Variants in TUT4 observed in about 807,000 individuals in gnomAD.
The protein encoded by TUT4 is terminal uridylyltransferase 4.
Under a neutral mutation model 192.2 loss-of-function variants are expected in TUT4, and 36 were observed. The observed-to-expected ratio is 0.19, with a 90% CI of 0.14 to 0.25. The LOEUF (loss-of-function observed/expected upper bound fraction) is 0.25. TUT4 is among the 10% of genes least tolerant of loss of function. TUT4 has a pLI of 1.00. For missense variants in TUT4, 1,493 were observed against 1,957.2 expected, an observed-to-expected ratio of 0.76 and a Z score of 4.47; for synonymous variants, 618 against 666.0, an observed-to-expected ratio of 0.93 and a Z score of 1.11.
At chr1:52,508,729 T>C (rs900739723) in intron 4 of TUT4, among the ~76,000 whole-genome samples, 10 of 152,170 alleles carry the variant, frequency 6.6e-5, no homozygotes, top group African/African-American at 2.4e-4. Flanking sequence ...TTAAAGAAGA[T>C]ACATGAGCTA....
intron 24 of TUT4, among the ~76,000 whole-genome samples, chr1:52,443,062 T>C (rs1340859656): frequency 2.0e-5 from 3 of 151,794 alleles, no homozygotes; most frequent in African/African-American, 4.8e-5. Flanking sequence ...GGCAGGTGGA[T>C]CACCTAAGGT....
intron 3 of TUT4, among the ~76,000 whole-genome samples, chr1:52,510,317 CAAAAAAAAA>C (rs200690805): frequency 5.1e-5 from 4 of 78,608 alleles, no homozygotes; most frequent in East Asian, 6.8e-4. Context: ...TTCGTATTAA[CAAAAAAAAA>C]AAAAAAAAAA....
At chr1:52,492,384 T>G (rs1417936877) in intron 7 of TUT4, among the ~76,000 whole-genome samples, 1 of 152,200 alleles carries the variant, frequency 6.6e-6, no homozygotes, top group Non-Finnish European at 1.5e-5. Flanking sequence ...TTGCAAATAC[T>G]TTTGATTCAT....
chr1:52,549,219 A>G (rs1461850062), intron 1 of TUT4, among the ~76,000 whole-genome samples: 1 of 152,160 alleles, frequency 6.6e-6, no homozygotes, highest in Admixed American at 6.5e-5. Flanking sequence ...CAGCTCAACC[A>G]CTATCTCACT....
At chr1:52,489,163 C>T in intron 8 of TUT4, 128 bp from the exon 9 acceptor site, 2 of 891,760 alleles carry the variant, frequency 2.2e-6, no homozygotes, top group Non-Finnish European at 3.0e-6. Flanking sequence ...CTAATAAAAA[C>T]AAATGTTTTA....
intron 9 of TUT4, among the ~76,000 whole-genome samples, chr1:52,487,570 C>A (rs935626304): frequency 6.6e-6 from 1 of 152,100 alleles, no homozygotes; most frequent in African/African-American, 2.4e-5. Flanking sequence ...GTCACCCTCC[C>A]TCAACCTATT....
At chr1:52,455,158 T>C (rs1263473880) in intron 20 of TUT4, among the ~76,000 whole-genome samples, 1 of 151,930 alleles carries the variant, frequency 6.6e-6, no homozygotes, top group Non-Finnish European at 1.5e-5. Flanking sequence ...GTGGCTCATG[T>C]CTGTAATCCC....
chr1:52,464,153 A>T (rs980625241), intron 16 of TUT4, among the ~76,000 whole-genome samples: 2 of 152,202 alleles, frequency 1.3e-5, no homozygotes, highest in Admixed American at 1.3e-4. Flanking sequence ...GAATGAAATG[A>T]GATAATGTAT....
At chr1:52,524,799 T>C (rs1228483653) in intron 2 of TUT4, among the ~76,000 whole-genome samples, 1 of 152,110 alleles carries the variant, frequency 6.6e-6, no homozygotes, top group Non-Finnish European at 1.5e-5. Flanking sequence ...TAAGACTCTG[T>C]CTCAGAAAAC....
intron 1 of TUT4, among the ~76,000 whole-genome samples, chr1:52,535,610 G>C (rs974801879): frequency 2.0e-5 from 3 of 152,100 alleles, no homozygotes; most frequent in Non-Finnish European, 4.4e-5. Flanking sequence ...GAAGGGTGTA[G>C]AAAAAATATT....
intron 24 of TUT4, among the ~76,000 whole-genome samples, chr1:52,441,994 C>T (rs1655754009): frequency 6.6e-6 from 1 of 151,788 alleles, no homozygotes; most frequent in Non-Finnish European, 1.5e-5. Flanking sequence ...GTGGTGAAAC[C>T]CTGTCTCTAC....
At position 52,463,629 on chromosome 1, in the gene TUT4, A is replaced by G. The variant is rs536103791; in HGVS notation, c.3069+1441T>C. ...CAGTCCCGCATTTTGAAACATAAATAACAATAGCTAGGCTGGTAAAGGACT... is the reference window on the plus strand; with the variant it reads ...CAGTCCCGCATTTTGAAACATAAATGACAATAGCTAGGCTGGTAAAGGACT... On this transcript the variant is annotated intron_variant, in intron 16 of 29. Coordinates refer to ENST00000257177, the MANE Select transcript of TUT4 (RefSeq NM_001009881.3). 1.3e-3 allele frequency: 1,634 copies of G among 1,300,628 alleles called. 19 individuals carry two copies. In the South Asian group the frequency reaches 0.013, roughly 10 times the overall value. 80.6% of individuals were successfully genotyped at this position (1,300,628 alleles called of 1,614,324 possible). A position where few individuals can be genotyped will look rare whatever the true frequency, so the allele number is the denominator to read the frequency against.
rs143767377 is a variant in TUT4, at chr1:52,431,058, C to T, written c.4666G>A (p.Val1556Met). Reference protein sequence around the residue: ...TSHDGHWPRTVAPNSLVNSGA... With the variant: ...TSHDGHWPRTMAPNSLVNSGA... ...CTGTTTACCAGGGAATTTGGAGCCACAGTACGGGGCCAGTGTCCATCGTGA... is the reference window on the plus strand; with the variant it reads ...CTGTTTACCAGGGAATTTGGAGCCATAGTACGGGGCCAGTGTCCATCGTGA... The change falls in exon 28 of 30, where the codon GTG (valine) becomes ATG (methionine). Residue 1556 changes from valine (V) to methionine (M), a missense_variant. Val to Met is a conservative substitution (Grantham distance 21). Around this residue, in one of 7 missense-constraint regions of TUT4, gnomAD observed 351 missense variants for 397.8 expected, o/e 0.88. Transcript: ENST00000257177. 2 of 1,604,512 alleles carry T rather than the reference C, an allele frequency of 1.2e-6. No homozygotes were observed. The highest frequency in any genetic ancestry group is 1.3e-5 in the African/African-American group (1 of 74,770).
intron 27 of TUT4, chr1:52,433,743 AC>A (rs1165377883): frequency 1.3e-5 from 2 of 152,220 alleles, no homozygotes; most frequent in African/African-American, 4.8e-5. Context: ...CAGGCAAGAA[AC>A]TGAAACCTCG....
At chr1:52,462,602 C>A (rs1662933026) in intron 16 of TUT4, 1 of 408,624 alleles carries the variant, frequency 2.4e-6, no homozygotes, top group Non-Finnish European at 3.3e-6. Flanking sequence ...TCCTGCAGAG[C>A]TGTTGGGAGG....
intron 9 of TUT4, among the ~76,000 whole-genome samples, chr1:52,487,008 G>A (rs1218963799): frequency 2.1e-4 from 32 of 152,142 alleles, no homozygotes; most frequent in Admixed American, 2.1e-3. Context: ...CAACAAAGAA[G>A]CAACTGTGTA....
Position 52,461,549 on chromosome 1 carries a change from A to G in TUT4, c.3195T>C (p.Ser1065=). The change falls in exon 18 of 30, where the codon AGT becomes AGC. Residue 1065 remains serine, a synonymous_variant. Transcript: ENST00000257177. ...VPIVKFEHRR[S]GLEGDISLYN... The stretch of plus-strand genomic sequence containing the variant: ...ATAAACTGATATCGCCTTCTAACCC[A>G]CTTCGCCTGTGTTCAAATTTTACTA... 6.2e-7 allele frequency: 1 copy of G among 1,613,192 alleles called. No individual in the cohort carries two copies. The highest frequency in any genetic ancestry group is 8.5e-7 in the Non-Finnish European group (1 of 1,179,608).
chr1:52,509,086 C>G (rs999929579), intron 4 of TUT4, among the ~76,000 whole-genome samples: 10 of 152,112 alleles, frequency 6.6e-5, no homozygotes, highest in Non-Finnish European at 1.5e-4. Flanking sequence ...CCTTCTAGGC[C>G]ACTCACCTTT....
Position 52,488,944 on chromosome 1 carries a change from T to C in TUT4, c.1480A>G (p.Ile494Val), listed in dbSNP as rs1209502168. 3.1e-6 allele frequency: 5 copies of C among 1,613,876 alleles called. No individual in the cohort carries two copies. The highest frequency in any genetic ancestry group is 3.4e-6 in the Non-Finnish European group (4 of 1,179,898). ...TALGKIEPVF[I>V]PLVLAFRYWA... ...TAGCGAAAGGCTAACACCAAGGGAA[T>C]AAAGACAGGTTCTATTTTGCCAAGG... is the stretch of plus-strand genomic sequence containing the variant. Residue 494 changes from isoleucine to valine, a missense_variant, in exon 9 of 30, where the codon ATT becomes GTT. Ile to Val is a conservative substitution (Grantham distance 29). Coordinates refer to ENST00000257177, the MANE Select transcript of TUT4 (RefSeq NM_001009881.3).
Sources: allele counts gnomAD v4.1 joint callset (sites outside exome capture counted in the v4.1 genomes callset), GRCh38; gene constraint gnomAD v4.1.1; regional missense constraint gnomAD v4.1.1; transcripts MANE v1.5; gene names NCBI Gene and HGNC (gene_info 2026-07-23, HGNC 2026-07-21).